Variants in SPOCK1 observed in about 807,000 individuals in gnomAD.
SPOCK1 encodes SPARC (osteonectin), cwcv and kazal like domains proteoglycan 1.
A neutral mutation model predicts 55.3 loss-of-function variants in SPOCK1; 23 were observed. The observed-to-expected ratio is 0.42, with a 90% confidence interval of 0.30 to 0.59. The LOEUF (loss-of-function observed/expected upper bound fraction) is 0.59. Ranked by LOEUF, SPOCK1 falls within the 20% of genes least tolerant of loss-of-function variation. The pLI is 0.22. For synonymous variants in SPOCK1, 226 were observed against 221.0 expected, an observed-to-expected ratio of 1.02 and a Z score of -0.20; for missense variants, 499 against 552.5, an observed-to-expected ratio of 0.90 and a Z score of 0.97.
At chr5:137,410,382 T>C (rs11242379) in intron 2 of SPOCK1, among the ~76,000 whole-genome samples, 7,404 of 152,282 alleles carry the variant, frequency 0.049, 266 homozygotes, top group African/African-American at 0.097. Context: ...GAACCAGCCC[T>C]TGGAAACTGA....
intron 2 of SPOCK1, among the ~76,000 whole-genome samples, chr5:137,473,062 C>T (rs1205871946): frequency 6.6e-6 from 1 of 152,192 alleles, no homozygotes; most frequent in Non-Finnish European, 1.5e-5. Context: ...GCTGACAAAC[C>T]TGCATATGCT....
chr5:137,198,525 T>A (rs996514461), intron 3 of SPOCK1, among the ~76,000 whole-genome samples: 16 of 152,280 alleles, frequency 1.1e-4, no homozygotes, highest in African/African-American at 3.9e-4. Context: ...TGTTTCTTGT[T>A]GCATTTTTCA....
At chr5:137,404,662 C>T (rs956848156) in intron 2 of SPOCK1, among the ~76,000 whole-genome samples, 1 of 151,442 alleles carries the variant, frequency 6.6e-6, no homozygotes, top group Non-Finnish European at 1.5e-5. Flanking sequence ...TTGTGATACA[C>T]CTGCTTCAGC....
At chr5:137,016,112 C>T (rs1252376696) in intron 6 of SPOCK1, among the ~76,000 whole-genome samples, 4 of 152,102 alleles carry the variant, frequency 2.6e-5, no homozygotes, top group Non-Finnish European at 5.9e-5. Context: ...GGTGTCAATA[C>T]CCCACTGGAA....
intron 2 of SPOCK1, among the ~76,000 whole-genome samples, chr5:137,337,802 T>G (rs1334464960): frequency 6.6e-6 from 1 of 152,242 alleles, no homozygotes; most frequent in Non-Finnish European, 1.5e-5. Context: ...TCCTTGTCAT[T>G]GAAGAAGCAT....
chr5:137,013,432 AAG>A, intron 6 of SPOCK1, among the ~76,000 whole-genome samples: 1 of 152,298 alleles, frequency 6.6e-6, no homozygotes, highest in East Asian at 1.9e-4. Flanking sequence ...CCTCGTGTTA[AAG>A]AGAGTTTATT....
chr5:136,994,748 C>A (rs1320067253), intron 6 of SPOCK1, among the ~76,000 whole-genome samples: 1 of 151,504 alleles, frequency 6.6e-6, no homozygotes, highest in African/African-American at 2.4e-5. Context: ...TGCGGTGGTT[C>A]ACGCCTGTAA....
chr5:137,087,891 G>A (rs1225509222), intron 5 of SPOCK1, among the ~76,000 whole-genome samples: 1 of 152,138 alleles, frequency 6.6e-6, no homozygotes, highest in East Asian at 1.9e-4. Flanking sequence ...GTATCTAGGA[G>A]CCTCCCACCC....
At chr5:137,419,188 G>C (rs1441593332) in intron 2 of SPOCK1, among the ~76,000 whole-genome samples, 1 of 152,176 alleles carries the variant, frequency 6.6e-6, no homozygotes. Context: ...GTACCATGCT[G>C]TTTTGGTTAC....
intron 2 of SPOCK1, among the ~76,000 whole-genome samples, chr5:137,440,810 G>GA (rs1752985732): frequency 6.6e-6 from 1 of 152,104 alleles, no homozygotes; most frequent in South Asian, 2.1e-4. Context: ...GCAAGTTCCA[G>GA]AAAAAATAAG....
intron 2 of SPOCK1, among the ~76,000 whole-genome samples, chr5:137,315,058 C>T (rs535236625): frequency 6.6e-6 from 1 of 152,314 alleles, no homozygotes; most frequent in South Asian, 2.1e-4. Flanking sequence ...GAACCCTCAC[C>T]TGTCTGCTTA....
intron 5 of SPOCK1, among the ~76,000 whole-genome samples, chr5:137,075,268 C>A (rs1752735056): frequency 6.6e-6 from 1 of 150,882 alleles, no homozygotes; most frequent in African/African-American, 2.5e-5. Context: ...GCTAGGAGAA[C>A]TCTTCCCAGA....
At position 137,465,927 on chromosome 5, in the gene SPOCK1, T is replaced by C. The variant is rs148691403; in HGVS notation, c.186+32446A>G. Among the ~76,000 whole-genome samples, 84 of 152,316 alleles carry C rather than the reference T, an allele frequency of 5.5e-4. 1 individual carries two copies. Among genetic ancestry groups the C allele is most frequent in the African/African-American group, 1.9e-3 (81 of 41,582 alleles). On this transcript the variant is annotated intron_variant, in intron 2 of 10. Coordinates refer to ENST00000394945, the MANE Select transcript of SPOCK1 (RefSeq NM_004598.4). ...CTTAGAACCTCATAACCTAAAACCA[T>C]AGTGATCATACACAACATTTATCTC...
intron 2 of SPOCK1, among the ~76,000 whole-genome samples, chr5:137,467,667 G>A (rs1196926884): frequency 6.6e-6 from 1 of 152,180 alleles, no homozygotes; most frequent in Non-Finnish European, 1.5e-5. Flanking sequence ...AGAGAGCCAG[G>A]CTGAGACCAA....
At chr5:137,143,889 ACC>A (rs1339272403) in intron 3 of SPOCK1, among the ~76,000 whole-genome samples, 4 of 152,210 alleles carry the variant, frequency 2.6e-5, no homozygotes, top group Non-Finnish European at 5.9e-5. Context: ...TGACTCCAGA[ACC>A]CAAACTCTTC....
chr5:137,291,250 A>C (rs1462682977), intron 2 of SPOCK1, among the ~76,000 whole-genome samples: 1 of 152,256 alleles, frequency 6.6e-6, no homozygotes. Flanking sequence ...AGGGATGGGC[A>C]CCAACCACAT....
chr5:137,097,413 G>A lies in SPOCK1; in HGVS notation c.474+15022C>T, dbSNP rs777182407. ...ACCCTGTCTCAGAGAGATGTGAGCC[G>A]TGGCTTAGAAATTCGAGCAAAGCCT... On this transcript the variant is annotated intron_variant, in intron 5 of 10. Coordinates refer to ENST00000394945, the MANE Select transcript of SPOCK1 (RefSeq NM_004598.4). Among the ~76,000 whole-genome samples, 34 of 152,292 alleles carry A rather than the reference G, an allele frequency of 2.2e-4. No individual in the cohort carries two copies. In the Middle Eastern group the frequency reaches 0.01, roughly 46 times the overall value.
At chr5:137,337,806 GA>G (rs1025761636) in intron 2 of SPOCK1, among the ~76,000 whole-genome samples, 5 of 152,176 alleles carry the variant, frequency 3.3e-5, no homozygotes, top group Non-Finnish European at 7.3e-5. Context: ...TGTCATTGAA[GA>G]AGCATTCATA....
At chr5:137,320,592 C>G (rs1367228345) in intron 2 of SPOCK1, among the ~76,000 whole-genome samples, 1 of 152,148 alleles carries the variant, frequency 6.6e-6, no homozygotes, top group Non-Finnish European at 1.5e-5. Context: ...AGAAAAAGCG[C>G]CAGAAAACCT....
Sources: allele counts gnomAD v4.1 joint callset (sites outside exome capture counted in the v4.1 genomes callset), GRCh38; gene constraint gnomAD v4.1.1; transcripts MANE v1.5; gene names NCBI Gene and HGNC (gene_info 2026-07-23, HGNC 2026-07-21).